LRP5: variants seen among roughly 807,000 people sequenced by gnomAD.
LRP5 encodes LDL receptor related protein 5.
LRP5 carries 62 observed loss-of-function variants against 154.1 expected under a neutral mutation model. The ratio of observed to expected loss-of-function variants is 0.40; its 90% CI spans 0.33 to 0.50. The LOEUF (loss-of-function observed/expected upper bound fraction) is 0.50, where lower values mean the gene tolerates loss of function less well. Among genes scored for constraint, LRP5 ranks in the 20% least tolerant of loss-of-function variants. The pLI, the probability that LRP5 is intolerant of heterozygous loss-of-function variation, is 0.55. For synonymous variants in LRP5, 966 were observed against 1,011.5 expected (o/e 0.96, Z 0.85); for missense variants, 1,915 against 2,336.7 (o/e 0.82, Z 3.72).
chr11:68,314,705 G>A (rs1166002688), intron 1 of LRP5, among the ~76,000 whole-genome samples: 1 of 152,220 alleles, frequency 6.6e-6, no homozygotes, highest in African/African-American at 2.4e-5. Flanking sequence ...GCCTGTCCAG[G>A]CACCCCCTCT....
chr11:68,314,235 T>C (rs986346532), intron 1 of LRP5, among the ~76,000 whole-genome samples: 1 of 152,194 alleles, frequency 6.6e-6, no homozygotes, highest in Non-Finnish European at 1.5e-5. Flanking sequence ...TTTCACCTCA[T>C]TGCAGTTTTG....
chr11:68,367,200 G>T (rs1304224550), intron 5 of LRP5, among the ~76,000 whole-genome samples: 2 of 152,200 alleles, frequency 1.3e-5, no homozygotes, highest in African/African-American at 4.8e-5. Flanking sequence ...GAGTGACCTG[G>T]CGACACCAGG....
intron 21 of LRP5, among the ~76,000 whole-genome samples, chr11:68,441,751 G>A (rs1565120203): frequency 6.6e-6 from 1 of 152,240 alleles, no homozygotes; most frequent in East Asian, 1.9e-4. Context: ...TCACTTTATT[G>A]TTTAACCATA....
intron 1 of LRP5, among the ~76,000 whole-genome samples, chr11:68,338,331 A>G (rs1243136208): frequency 6.6e-6 from 1 of 152,268 alleles, no homozygotes; most frequent in Non-Finnish European, 1.5e-5. Flanking sequence ...GTAAATAAAC[A>G]GTGTAAAATA....
chr11:68,445,686 G>A, intron 21 of LRP5: 7 of 1,316,886 alleles, frequency 5.3e-6, no homozygotes, highest in Non-Finnish European at 7.0e-6. Flanking sequence ...ACTTGTGGAA[G>A]GTGCAGACCT....
intron 5 of LRP5, among the ~76,000 whole-genome samples, chr11:68,380,667 G>A (rs911902474): frequency 6.6e-6 from 1 of 152,090 alleles, no homozygotes; most frequent in African/African-American, 2.4e-5. Context: ...GCTGCACGCA[G>A]TGGGGCGTGT....
chr11:68,396,553 C>T (rs763050266), intron 7 of LRP5, among the ~76,000 whole-genome samples: 1 of 152,144 alleles, frequency 6.6e-6, no homozygotes, highest in Non-Finnish European at 1.5e-5. Flanking sequence ...GGGAGAAGAA[C>T]AAAGGTCTAT....
intron 1 of LRP5, among the ~76,000 whole-genome samples, chr11:68,318,757 T>A (rs2098594980): frequency 6.6e-6 from 1 of 152,178 alleles, no homozygotes; most frequent in Admixed American, 6.5e-5. Flanking sequence ...GCTCCTCTCC[T>A]GAGAAGGTGC....
chr11:68,338,190 C>T (rs1350720064), intron 1 of LRP5, among the ~76,000 whole-genome samples: 2 of 152,088 alleles, frequency 1.3e-5, no homozygotes, highest in African/African-American at 2.4e-5. Context: ...CAGCTTGCTC[C>T]GATGAGCAGT....
Position 68,426,161 on chromosome 11 carries a change from T to C in LRP5, c.3611T>C (p.Val1204Ala). The stretch of plus-strand genomic sequence containing the variant: ...GCCCACCTCACTGGCATCCATGCAG[T>C]GGAGGAAGTCAGCCTGGAGGAGTTC... ...RVAHLTGIHA[V>A]EEVSLEEFSA... The change falls in exon 16 of 23, where the codon GTG becomes GCG. Residue 1204 changes from valine (V) to alanine (A), a missense_variant. Physicochemically the swap from Val to Ala is moderately conservative, Grantham distance 64. Coordinates refer to ENST00000294304, the MANE Select transcript of LRP5 (RefSeq NM_002335.4). The C allele has an allele frequency of 6.2e-7, 1 of 1,612,198 alleles. No homozygotes were observed. Among genetic ancestry groups the C allele is most frequent in the African/African-American group, 1.3e-5 (1 of 74,980 alleles).
chr11:68,319,422 C>G (rs1412386225), intron 1 of LRP5, among the ~76,000 whole-genome samples: 2 of 152,230 alleles, frequency 1.3e-5, no homozygotes, highest in African/African-American at 4.8e-5. Flanking sequence ...GCTTTGCTGC[C>G]CAGGCTGGCC....
In LRP5 at chr11:68,386,207, G is replaced by A. The variant is rs2098642890; in HGVS notation, c.1016-109G>A. On this transcript the variant is annotated intron_variant, in intron 5 of 22. Coordinates refer to ENST00000294304, the MANE Select transcript of LRP5 (RefSeq NM_002335.4). The surrounding 1 kb of genome is among the most constrained non-coding windows in gnomAD (Gnocchi z 7.9). ...CTAACATCACCAGCCTTTGCAAGGAGAGCCCTGGGGGCCTGGCTGAGTATT... is the reference window on the plus strand; with the variant it reads ...CTAACATCACCAGCCTTTGCAAGGAAAGCCCTGGGGGCCTGGCTGAGTATT... The A allele has an allele frequency of 6.5e-6, 9 of 1,380,016 alleles. No individual in the cohort carries two copies. In the South Asian group the frequency reaches 1.1e-4, roughly 16 times the overall value. 85.5% of individuals were successfully genotyped at this position (1,380,016 alleles called of 1,614,324 possible). A position where few individuals can be genotyped will look rare whatever the true frequency, so the allele number is the denominator to read the frequency against.
chr11:68,388,688 C>T (rs72932397), intron 6 of LRP5, among the ~76,000 whole-genome samples: 18,282 of 152,212 alleles, frequency 0.12, 1,325 homozygotes, highest in Non-Finnish European at 0.17. Context: ...GTGCTCAGCT[C>T]CTCCAGCCCA....
At chr11:68,396,596 C>T (rs1007709950) in intron 7 of LRP5, among the ~76,000 whole-genome samples, 3 of 152,194 alleles carry the variant, frequency 2.0e-5, no homozygotes, top group African/African-American at 4.8e-5. Context: ...GCATTAGAGA[C>T]GCCCACAACA....
Position 68,413,822 on chromosome 11 carries a change from C to T in LRP5, c.2637C>T (p.Arg879=), listed in dbSNP as rs141174027. 1.1e-4 allele frequency: 185 copies of T among 1,613,760 alleles called. No individual in the cohort carries two copies. In the African/African-American group the frequency reaches 2.2e-3, roughly 20 times the overall value. The change falls in exon 12 of 23, where the codon CGC becomes CGT. Residue 879 remains arginine (R), a synonymous_variant. Coordinates refer to ENST00000294304, the MANE Select transcript of LRP5 (RefSeq NM_002335.4). The surrounding 1 kb of genome is among the most constrained non-coding windows in gnomAD (Gnocchi z 5.1). The stretch of plus-strand genomic sequence containing the variant: ...CCGACAAGACTAGCGGCCGGAACCG[C>T]ACCCTCATCCAGGGCCACCTGGACT... ...ERADKTSGRN[R]TLIQGHLDFV...
intron 5 of LRP5, among the ~76,000 whole-genome samples, chr11:68,372,503 T>TGGCGGCGAGGAGGGGCAG (rs1565353690): frequency 3.3e-4 from 16 of 47,962 alleles, no homozygotes; most frequent in East Asian, 8.3e-4. Flanking sequence ...GACCGGGGAC[T>TGGCGGCGAGGAGGGGCAG]TGGAGCACCT....
the LRP5 span, among the ~76,000 whole-genome samples, chr11:68,304,996 T>C: frequency 6.6e-6 from 1 of 152,038 alleles, no homozygotes; most frequent in Non-Finnish European, 1.5e-5. Flanking sequence ...GAGTTAAGAC[T>C]TTGGGGGGCT....
intron 7 of LRP5, among the ~76,000 whole-genome samples, chr11:68,396,339 C>G (rs1041192037): frequency 5.9e-5 from 9 of 152,184 alleles, no homozygotes; most frequent in African/African-American, 2.2e-4. Context: ...TGCCGCTCAC[C>G]TTTGCTGGGG....
chr11:68,417,737 C>T (rs2098663401), intron 13 of LRP5, among the ~76,000 whole-genome samples: 1 of 151,928 alleles, frequency 6.6e-6, no homozygotes, highest in Admixed American at 6.5e-5. Context: ...GGGTTCGAGA[C>T]CAGCCTGGCC....
Sources: gnomAD v4.1 joint callset for allele counts (sites outside exome capture counted in the v4.1 genomes callset) on GRCh38, gnomAD v4.1.1 for gene constraint, Gnocchi (gnomAD v3.1) non-coding constraint, MANE v1.5 for transcripts, NCBI Gene and HGNC (gene_info 2026-07-23, HGNC 2026-07-21) for gene names.